The following MCCC2 variants were observed in gnomAD, a reference collection of about 807,000 sequenced individuals.
MCCC2 encodes methylcrotonoyl-CoA carboxylase beta chain, mitochondrial.
A neutral mutation model predicts 77.2 loss-of-function variants in MCCC2; 52 were observed. The observed-to-expected ratio is 0.67, with a 90% confidence interval of 0.54 to 0.85. MCCC2 has a LOEUF of 0.85. Ranked by LOEUF, MCCC2 falls within the 40% of genes least tolerant of loss-of-function variation. The pLI is 0.00. For missense variants in MCCC2, 682 were observed against 703.2 expected (o/e 0.97, Z 0.34); for synonymous variants, 253 against 248.4 (o/e 1.02, Z -0.18).
intron 12 of MCCC2, among the ~76,000 whole-genome samples, chr5:71,644,954 TTTC>T (rs1169957266): frequency 6.6e-6 from 1 of 152,182 alleles, no homozygotes; most frequent in Non-Finnish European, 1.5e-5. Flanking sequence ...TTTATTATTT[TTTC>T]TTAATAGTTT....
At chr5:71,653,172 A>T (rs1417325896) in intron 16 of MCCC2, among the ~76,000 whole-genome samples, 1 of 152,208 alleles carries the variant, frequency 6.6e-6, no homozygotes, top group Non-Finnish European at 1.5e-5. Flanking sequence ...TTTAAACATG[A>T]GATTGGTTGA....
intron 6 of MCCC2, among the ~76,000 whole-genome samples, chr5:71,605,701 T>C (rs1466894256): frequency 6.6e-6 from 1 of 152,118 alleles, no homozygotes; most frequent in Non-Finnish European, 1.5e-5. Context: ...CTAGGGTTTT[T>C]ATGGTTTTTG....
intron 11 of MCCC2, among the ~76,000 whole-genome samples, chr5:71,642,807 T>C (rs750461160): frequency 4.6e-5 from 7 of 152,162 alleles, no homozygotes; most frequent in Non-Finnish European, 7.3e-5. Flanking sequence ...TAGGTGGCCA[T>C]CAAATCAGGG....
At chr5:71,614,981 C>G (rs1211320799) in intron 6 of MCCC2, among the ~76,000 whole-genome samples, 5 of 152,028 alleles carry the variant, frequency 3.3e-5, no homozygotes, top group Non-Finnish European at 7.4e-5. Context: ...TTTTTTCCCC[C>G]TTTGAGATGG....
intron 7 of MCCC2, among the ~76,000 whole-genome samples, chr5:71,631,241 A>T (rs1291415430): frequency 1.3e-5 from 2 of 152,240 alleles, no homozygotes; most frequent in East Asian, 3.8e-4. Context: ...TAACATGCAC[A>T]TTACTGAACT....
At chr5:71,631,046 T>C (rs922082359) in intron 7 of MCCC2, among the ~76,000 whole-genome samples, 2 of 152,234 alleles carry the variant, frequency 1.3e-5, no homozygotes, top group Non-Finnish European at 2.9e-5. Flanking sequence ...AGTTTGTTTC[T>C]TTTTGGCCAC....
At chr5:71,617,930 G>A (rs1002794374) in intron 6 of MCCC2, among the ~76,000 whole-genome samples, 4 of 152,190 alleles carry the variant, frequency 2.6e-5, no homozygotes, top group Non-Finnish European at 5.9e-5. Flanking sequence ...CTCTCAAGGA[G>A]AAAAGATAGT....
At chr5:71,649,369 T>G in intron 14 of MCCC2, 116 bp downstream of exon 14, 1 of 1,005,216 alleles carries the variant, frequency 9.9e-7, no homozygotes, top group Non-Finnish European at 1.5e-6. Flanking sequence ...CTCAATCAAT[T>G]ATACCGTAAT....
At position 71,600,158 on chromosome 5, in the gene MCCC2, C is replaced by T. The variant is rs142740960; in HGVS notation, c.383+398C>T. Among the ~76,000 whole-genome samples the T allele has an allele frequency of 5.2e-3, 789 of 150,724 alleles. 8 individuals are homozygous for T. Among genetic ancestry groups the T allele is most frequent in the African/African-American group, 0.018 (753 of 41,018 alleles). On this transcript the variant is annotated intron_variant, in intron 4 of 16. Coordinates refer to ENST00000340941, the MANE Select transcript of MCCC2 (RefSeq NM_022132.5). Reference sequence around the variant, plus strand: ...CCATCCTGGTGACAGAGCAAGACTCCGTCTCAAAAAAAAAACAAAAAGATG... The same window carrying T: ...CCATCCTGGTGACAGAGCAAGACTCTGTCTCAAAAAAAAAACAAAAAGATG...
intron 8 of MCCC2, 87 bp downstream of exon 8, chr5:71,632,272 G>A (rs1746746794): frequency 7.8e-7 from 1 of 1,278,866 alleles, no homozygotes; most frequent in South Asian, 1.2e-5. Context: ...TGTTTCCAGT[G>A]CTAAACTTGC....
chr5:71,610,725 G>A (rs185176011), intron 6 of MCCC2, among the ~76,000 whole-genome samples: 1,525 of 152,300 alleles, frequency 0.01, 11 homozygotes, highest in Non-Finnish European at 0.016. Context: ...GGTGGCTCAC[G>A]CCTGGAATCC....
At chr5:71,645,675 C>T (rs978925279) in intron 12 of MCCC2, among the ~76,000 whole-genome samples, 3 of 152,158 alleles carry the variant, frequency 2.0e-5, no homozygotes, top group Non-Finnish European at 2.9e-5. Flanking sequence ...AATTCTCATT[C>T]GCATCAGTTC....
At position 71,591,728 on chromosome 5, in the gene MCCC2, C is replaced by T. The variant is rs567004097; in HGVS notation, c.130-1198C>T. On this transcript the variant is annotated intron_variant, in intron 1 of 16. Transcript: ENST00000340941. Reference sequence around the variant, plus strand: ...CTGAGATTACAGGCGTGAGCCACCACGGCTGGCCGAGTTTTGTTCTTTTTA... The same window carrying T: ...CTGAGATTACAGGCGTGAGCCACCATGGCTGGCCGAGTTTTGTTCTTTTTA... 4.2e-4 allele frequency among the ~76,000 whole-genome samples: 64 copies of T among 151,808 alleles called. 1 individual carries two copies. Among genetic ancestry groups the T allele is most frequent in the African/African-American group, 1.3e-3 (52 of 41,420 alleles).
At chr5:71,643,082 A>AG (rs1226223412) in intron 11 of MCCC2, among the ~76,000 whole-genome samples, 1 of 151,784 alleles carries the variant, frequency 6.6e-6, no homozygotes, top group Non-Finnish European at 1.5e-5. Flanking sequence ...GAAAAAAAAA[A>AG]CAAATCTTTA....
At chr5:71,634,598 C>G (rs1007290701) in intron 8 of MCCC2, among the ~76,000 whole-genome samples, 1 of 152,166 alleles carries the variant, frequency 6.6e-6, no homozygotes, top group African/African-American at 2.4e-5. Context: ...GGGATGAGTA[C>G]TTAATAGAAG....
rs751960047 is a variant in MCCC2 at position 71,599,653 on chromosome 5, C to G, written c.282-6C>G. 1 of 1,609,634 alleles carries G rather than the reference C, an allele frequency of 6.2e-7. No individual in the cohort carries two copies. The highest frequency in any genetic ancestry group is 8.5e-7 in the Non-Finnish European group (1 of 1,175,936). On this transcript the variant is annotated splice_polypyrimidine_tract_variant and splice_region_variant and intron_variant, in intron 3 of 16. Transcript: ENST00000340941. ...TAATTCAAACAACATCCTTTCTTCG[C>G]TTTAGGTCTCCATTTCTGGAATTAT...
chr5:71,587,561 T>C lies in MCCC2; in HGVS notation c.129+7T>C, dbSNP rs1282794510. 2 of 1,533,726 alleles carry C rather than the reference T, an allele frequency of 1.3e-6. No individual in the cohort carries two copies. The highest frequency in any genetic ancestry group is 2.7e-5 in the African/African-American group (2 of 73,230). ...GGGCTCTGCCCTCTACCAGGTAGGC[T>C]GAGCGCCCCGGTGGCCTGGCCGCCG... On this transcript the variant is annotated splice_region_variant and intron_variant, in intron 1 of 16. Transcript: ENST00000340941.
intron 6 of MCCC2, among the ~76,000 whole-genome samples, chr5:71,617,889 T>C (rs1371501856): frequency 6.6e-6 from 1 of 152,244 alleles, no homozygotes; most frequent in African/African-American, 2.4e-5. Context: ...CAGATTACTA[T>C]AGACCTTCCA....
chr5:71,633,127 A>ATTT (rs1440841730), intron 8 of MCCC2, among the ~76,000 whole-genome samples: 3 of 63,816 alleles, frequency 4.7e-5, no homozygotes, highest in Non-Finnish European at 9.2e-5. Flanking sequence ...ATATATATAT[A>ATTT]TATATTTTTA....
Sources: gnomAD v4.1 joint callset for allele counts (sites outside exome capture counted in the v4.1 genomes callset) on GRCh38, gnomAD v4.1.1 for gene constraint, MANE v1.5 for transcripts, NCBI Gene and HGNC (gene_info 2026-07-23, HGNC 2026-07-21) for gene names.